SNX11: variants seen among roughly 807,000 people sequenced by gnomAD.
The protein encoded by SNX11 is sorting nexin 11, also known as sorting nexin-11.
SNX11 carries 19 observed loss-of-function variants against 30.7 expected under a neutral mutation model. The ratio of observed to expected loss-of-function variants is 0.62; its 90% CI spans 0.43 to 0.91. SNX11 has a LOEUF of 0.91. Ranked by LOEUF, SNX11 falls within the 40% of genes least tolerant of loss-of-function variation. The pLI, the probability that SNX11 is intolerant of heterozygous loss-of-function variation, is 0.00. For missense variants in SNX11, 302 were observed against 326.7 expected, an observed-to-expected ratio of 0.92 and a Z score of 0.58; for synonymous variants, 112 against 119.0, an observed-to-expected ratio of 0.94 and a Z score of 0.38.
intron 4 of SNX11, among the ~76,000 whole-genome samples, chr17:48,116,826 A>G (rs1375281871): frequency 6.6e-6 from 1 of 150,760 alleles, no homozygotes; most frequent in Admixed American, 6.6e-5. Flanking sequence ...TTGTCCTCCC[A>G]AAGTGCTGCT....
rs1285561933 is a variant in SNX11 at position 48,112,074 on chromosome 17, C to T, written c.31C>T (p.Gln11Ter). The change falls in exon 2 of 7, where the codon CAA becomes TAA. Residue 11 changes from glutamine to a stop codon, truncating the protein, a stop_gained. Coordinates refer to ENST00000359238, the MANE Select transcript of SNX11 (RefSeq NM_013323.3). LOFTEE classifies it high-confidence loss of function. ...CTTTTGGTGTAGGATGTCGGAGAAC[C>T]AAGAACAGGAGGTAAGAGTATGGTC... MGFWCRMSENQEQEEVITVRV... is the reference protein window; with the variant it reads MGFWCRMSEN 1 of 1,613,470 alleles carries T rather than the reference C, an allele frequency of 6.2e-7. No individual in the cohort carries two copies. Among genetic ancestry groups the T allele is most frequent in the Non-Finnish European group, 8.5e-7 (1 of 1,179,660 alleles).
intron 1 of SNX11, chr17:48,111,181 T>G: frequency 1.0e-6 from 1 of 968,524 alleles, no homozygotes; most frequent in Non-Finnish European, 1.2e-6. Context: ...AAGGGGAAGG[T>G]CCCAACTGGG....
At chr17:48,120,188 C>T (rs2063584019) in intron 6 of SNX11, among the ~76,000 whole-genome samples, 1 of 145,652 alleles carries the variant, frequency 6.9e-6, no homozygotes, top group African/African-American at 2.5e-5. Context: ...TATCCATTCA[C>T]TTGCATTTAT....
At chr17:48,108,297 G>T (rs975951680) in intron 1 of SNX11, among the ~76,000 whole-genome samples, 4 of 152,232 alleles carry the variant, frequency 2.6e-5, no homozygotes, top group African/African-American at 9.6e-5. Flanking sequence ...AAAAGATGGA[G>T]CATAACTGCT....
At position 48,118,992 on chromosome 17, in the gene SNX11, T is replaced by C; in HGVS notation, c.345T>C (p.Val115=). 3 of 1,613,848 alleles carry C rather than the reference T, an allele frequency of 1.9e-6. No individual in the cohort carries two copies. Among genetic ancestry groups the C allele is most frequent in the Non-Finnish European group, 2.5e-6 (3 of 1,179,956 alleles). The change falls in exon 6 of 7, where the codon GTT becomes GTC. Residue 115 remains valine (V), a synonymous_variant. Transcript: ENST00000359238. ...TTCCCAGGGTCCTGCAGAGTGTGGTTCTCCTGTCAGACAGCCAGTTGCACC... is the reference window on the plus strand; with the variant it reads ...TTCCCAGGGTCCTGCAGAGTGTGGTCCTCCTGTCAGACAGCCAGTTGCACC... ...HFLEKVLQSV[V]LLSDSQLHLF... is the part of the protein sequence containing the mutation.
At position 48,112,609 on chromosome 17, in the gene SNX11, G is replaced by A; in HGVS notation, c.78G>A (p.Val26=). Residue 26 remains valine, a synonymous_variant, in exon 3 of 7, where the codon GTG becomes GTA. Transcript: ENST00000359238. ...CAGTGCGTGTTCAGGACCCCCGAGT[G>A]CAGAATGAGGGCTCCTGGAACTCTT... ...VITVRVQDPR[V]QNEGSWNSYV... The A allele has an allele frequency of 4.3e-6, 7 of 1,613,748 alleles. No individual in the cohort carries two copies. The South Asian group carries it at 5.5e-5, about 13-fold the overall frequency.
At position 48,118,816 on chromosome 17, in the gene SNX11, G is replaced by A. The variant is rs1191752013; in HGVS notation, c.326+17G>A. On this transcript the variant is annotated intron_variant, in intron 5 of 6. Coordinates refer to ENST00000359238, the MANE Select transcript of SNX11 (RefSeq NM_013323.3). The stretch of plus-strand genomic sequence containing the variant: ...CCTTGAAAAGTGAGTGGACAGAACG[G>A]CTGGTGCTGGCCACCAAGGGTGGAG... 1.2e-6 allele frequency: 2 copies of A among 1,602,974 alleles called. No homozygotes were observed. The highest frequency in any genetic ancestry group is 3.3e-5 in the Admixed American group (2 of 59,974).
chr17:48,116,862 G>A (rs2063550544), intron 4 of SNX11, among the ~76,000 whole-genome samples: 1 of 145,596 alleles, frequency 6.9e-6, no homozygotes, highest in Non-Finnish European at 1.5e-5. Context: ...CACTGCGCCC[G>A]GCCTTTTTTT....
At chr17:48,121,059 C>T (rs2063596170) in intron 6 of SNX11, among the ~76,000 whole-genome samples, 176 bp from the exon 7 acceptor site, 1 of 152,124 alleles carries the variant, frequency 6.6e-6, no homozygotes, top group South Asian at 2.1e-4. Context: ...AATCATAACT[C>T]ACTGCAGCCT....
intron 3 of SNX11, chr17:48,112,955 T>G (rs1016775256): frequency 9.9e-5 from 26 of 261,432 alleles, no homozygotes; most frequent in African/African-American, 3.8e-4. Context: ...CCAGGCTGGT[T>G]TTGAACTCCT....
In SNX11 at chr17:48,112,025, C is replaced by T. The variant is rs1198258616; in HGVS notation, c.-13-6C>T. The T allele has an allele frequency of 6.2e-7, 1 of 1,608,934 alleles. No homozygotes were observed. Among genetic ancestry groups the T allele is most frequent in the Admixed American group, 1.7e-5 (1 of 60,004 alleles). ...CCTTGATCCTGTATCCTCTGTCCCT[C>T]ATCAGATGTTTCCTTCCAATGGGCT... On this transcript the variant is annotated splice_region_variant and splice_polypyrimidine_tract_variant and intron_variant, in intron 1 of 6. Coordinates refer to ENST00000359238, the MANE Select transcript of SNX11 (RefSeq NM_013323.3).
In SNX11 at chr17:48,121,878, C is replaced by T. The variant is rs182437136; in HGVS notation, c.*370C>T. Reference sequence around the variant, plus strand: ...AATTCTAAGCTGCCATATTGAACATCATCCCACTGGGAGTGGTTATGTTGT... The same window carrying T: ...AATTCTAAGCTGCCATATTGAACATTATCCCACTGGGAGTGGTTATGTTGT... On this transcript the variant is annotated 3_prime_UTR_variant, in exon 7 of 7. Transcript: ENST00000359238. 749 of 203,356 alleles carry T rather than the reference C, an allele frequency of 3.7e-3. 4 individuals are homozygous for T. Among genetic ancestry groups the T allele is most frequent in the Non-Finnish European group, 5.4e-3 (536 of 99,276 alleles). 12.6% of individuals were successfully genotyped at this position (203,356 alleles called of 1,614,324 possible).
chr17:48,120,903 ATT>A (rs58848624), intron 6 of SNX11, among the ~76,000 whole-genome samples: 1 of 145,212 alleles, frequency 6.9e-6, no homozygotes. Flanking sequence ...ATGCCCAGCC[ATT>A]TTTTTTTTTT....
chr17:48,118,885 CAGGT>C, intron 5 of SNX11, 85 bp from the exon 6 acceptor site: 2 of 1,553,208 alleles, frequency 1.3e-6, no homozygotes, highest in Non-Finnish European at 1.8e-6. Context: ...GCTCCCTGCT[CAGGT>C]AGCCAGAAGT....
At chr17:48,113,634 C>A (rs752296297) in intron 4 of SNX11, 42 of 396,198 alleles carry the variant, frequency 1.1e-4, no homozygotes, top group Non-Finnish European at 1.5e-4. Flanking sequence ...CAGCCTCAAC[C>A]TCCTGGGTTC....
chr17:48,112,978 T>G (rs1287756864), intron 3 of SNX11: 2 of 278,550 alleles, frequency 7.2e-6, no homozygotes, highest in Non-Finnish European at 1.4e-5. Context: ...CCTCAAGTGA[T>G]CCACCCTCCT....
chr17:48,107,924 G>C (rs2063452855), intron 1 of SNX11, 86 bp downstream of exon 1: 1 of 152,512 alleles, frequency 6.6e-6, no homozygotes, highest in African/African-American at 2.4e-5. Context: ...TGGCACTCGG[G>C]ATGGTGGCAT....
chr17:48,123,011 C>T lies in SNX11; in HGVS notation c.*1503C>T, dbSNP rs751307265. On this transcript the variant is annotated 3_prime_UTR_variant, in exon 7 of 7. Transcript: ENST00000359238. Reference sequence around the variant, plus strand: ...ATTTACCTGATGCTGCTTCCATCCTCGCAGTCTGTCTGAGGTGCCAGGTGC... The same window carrying T: ...ATTTACCTGATGCTGCTTCCATCCTTGCAGTCTGTCTGAGGTGCCAGGTGC... The T allele has an allele frequency of 2.6e-5, 4 of 152,184 alleles. No homozygotes were observed. Among genetic ancestry groups the T allele is most frequent in the African/African-American group, 4.8e-5 (2 of 41,430 alleles). 9.4% of individuals were successfully genotyped at this position (152,184 alleles called of 1,614,324 possible).
In SNX11 at chr17:48,112,759, T is replaced by G. The variant is rs184041683; in HGVS notation, c.129+99T>G. 89 of 628,388 alleles carry G rather than the reference T, an allele frequency of 1.4e-4. 1 individual carries two copies. The East Asian group carries it at 2.6e-3, about 18-fold the overall frequency. 38.9% of individuals were successfully genotyped at this position (628,388 alleles called of 1,614,324 possible). A position where few individuals can be genotyped will look rare whatever the true frequency, so the allele number is the denominator to read the frequency against. ...TTTTTTTTTTTTTTGAGATGGAGTT[T>G]TGCTCTTGTTGCCCAGGCTGGAGTG... On this transcript the variant is annotated intron_variant, in intron 3 of 6. Transcript: ENST00000359238.
Sources: allele counts gnomAD v4.1 joint callset (sites outside exome capture counted in the v4.1 genomes callset), GRCh38; gene constraint gnomAD v4.1.1; transcripts MANE v1.5; gene names NCBI Gene and HGNC (gene_info 2026-07-23, HGNC 2026-07-21).